Variants in FBXL7 observed in about 807,000 individuals in gnomAD.
FBXL7 encodes the protein F-box and leucine rich repeat protein 7.
In FBXL7, 12 loss-of-function variants were observed where a neutral mutation model predicts 38.3. The ratio of observed to expected loss-of-function variants is 0.31; its 90% CI spans 0.20 to 0.51. The LOEUF is 0.51. Ranked by LOEUF, FBXL7 falls within the 20% of genes least tolerant of loss-of-function variation. The pLI, the probability that FBXL7 is intolerant of heterozygous loss-of-function variation, is 0.98. For missense variants in FBXL7, 567 were observed against 676.4 expected, an observed-to-expected ratio of 0.84 and a Z score of 1.79; for synonymous variants, 297 against 300.9, an observed-to-expected ratio of 0.99 and a Z score of 0.13.
At chr5:15,832,577 G>A (rs1183664962) in intron 2 of FBXL7, among the ~76,000 whole-genome samples, 2 of 152,166 alleles carry the variant, frequency 1.3e-5, no homozygotes, top group African/African-American at 4.8e-5. Context: ...GCTAGTTTAA[G>A]GAGGTTTTGC....
chr5:15,842,831 C>T (rs1003344735), intron 2 of FBXL7, among the ~76,000 whole-genome samples: 9 of 152,254 alleles, frequency 5.9e-5, no homozygotes, highest in South Asian at 2.1e-4. Context: ...CTCCCAGCTA[C>T]GTGGAACTGT....
intron 2 of FBXL7, among the ~76,000 whole-genome samples, chr5:15,875,299 C>A (rs184185363): frequency 6.6e-6 from 1 of 152,174 alleles, no homozygotes; most frequent in African/African-American, 2.4e-5. Flanking sequence ...AGATCTAAAA[C>A]CATAAAAACC....
intron 1 of FBXL7, among the ~76,000 whole-genome samples, chr5:15,606,196 T>C (rs1256419439): frequency 2.0e-5 from 3 of 152,162 alleles, no homozygotes; most frequent in African/African-American, 7.2e-5. Flanking sequence ...TTGATCAGTT[T>C]TCTTTCTAGA....
chr5:15,882,372 G>C (rs1411032963), intron 2 of FBXL7, among the ~76,000 whole-genome samples: 1 of 152,148 alleles, frequency 6.6e-6, no homozygotes, highest in East Asian at 1.9e-4. Flanking sequence ...TCAGTGACTA[G>C]CCAGAGATGA....
chr5:15,623,734 A>G (rs1366104198), intron 2 of FBXL7, among the ~76,000 whole-genome samples: 8 of 152,102 alleles, frequency 5.3e-5, no homozygotes, highest in Non-Finnish European at 1.2e-4. Flanking sequence ...GCTTTTCAAA[A>G]CTCTACAACA....
chr5:15,834,083 G>A (rs757534426), intron 2 of FBXL7, among the ~76,000 whole-genome samples: 1 of 152,076 alleles, frequency 6.6e-6, no homozygotes, highest in Non-Finnish European at 1.5e-5. Flanking sequence ...ATTTGTTAGT[G>A]TATTTTCTTT....
rs866155140 is a variant in FBXL7 at position 15,645,507 on chromosome 5, G to A, written c.127+29435G>A. 1.7e-4 allele frequency among the ~76,000 whole-genome samples: 26 copies of A among 152,098 alleles called. 1 individual carries two copies. In the South Asian group the frequency reaches 2.9e-3, roughly 17 times the overall value. On this transcript the variant is annotated intron_variant, in intron 2 of 3. Transcript: ENST00000504595. Reference sequence around the variant, plus strand: ...CCCAACCAACAAATGTACTTCTTACGTTTCTTGATTGATATTTCCTGTCTT... The same window carrying A: ...CCCAACCAACAAATGTACTTCTTACATTTCTTGATTGATATTTCCTGTCTT...
chr5:15,667,725 A>C (rs986355357), intron 2 of FBXL7, among the ~76,000 whole-genome samples: 1 of 152,134 alleles, frequency 6.6e-6, no homozygotes, highest in African/African-American at 2.4e-5. Flanking sequence ...TTGTAGGCTT[A>C]AAATCTTGCT....
intron 2 of FBXL7, among the ~76,000 whole-genome samples, chr5:15,640,551 T>C (rs76124612): frequency 0.16 from 22,240 of 143,172 alleles, 2,026 homozygotes; most frequent in East Asian, 0.47. Context: ...TTTGAGGGAG[T>C]CTTGCTCTGT....
chr5:15,823,428 C>A (rs1217304631), intron 2 of FBXL7, among the ~76,000 whole-genome samples: 1 of 152,180 alleles, frequency 6.6e-6, no homozygotes, highest in Non-Finnish European at 1.5e-5. Flanking sequence ...TAATCTCACA[C>A]ATATTTCCTA....
Position 15,866,346 on chromosome 5 carries a change from C to T in FBXL7, c.128-61544C>T, listed in dbSNP as rs57881767. Reference sequence around the variant, plus strand: ...TTGCTAGAATTAGTTAAGTCACTGACATCAATGTCTAATATATAATGTGCA... The same window carrying T: ...TTGCTAGAATTAGTTAAGTCACTGATATCAATGTCTAATATATAATGTGCA... On this transcript the variant is annotated intron_variant, in intron 2 of 3. Coordinates refer to ENST00000504595, the MANE Select transcript of FBXL7 (RefSeq NM_012304.5). Among the ~76,000 whole-genome samples, 336 of 152,264 alleles carry T rather than the reference C, an allele frequency of 2.2e-3. 1 individual carries two copies. Among genetic ancestry groups the T allele is most frequent in the African/African-American group, 7.7e-3 (319 of 41,562 alleles).
At chr5:15,768,272 C>T (rs1355515109) in intron 2 of FBXL7, among the ~76,000 whole-genome samples, 1 of 152,142 alleles carries the variant, frequency 6.6e-6, no homozygotes, top group Non-Finnish European at 1.5e-5. Flanking sequence ...TGACTCACAC[C>T]TGTAATCCCA....
At chr5:15,733,091 G>GTTTC (rs1044572646) in intron 2 of FBXL7, among the ~76,000 whole-genome samples, 1 of 148,056 alleles carries the variant, frequency 6.8e-6, no homozygotes, top group Non-Finnish European at 1.5e-5. Flanking sequence ...CATGTTTTTT[G>GTTTC]TTTCTTTCTT....
intron 2 of FBXL7, among the ~76,000 whole-genome samples, chr5:15,772,908 T>C (rs1736765619): frequency 6.6e-6 from 1 of 152,156 alleles, no homozygotes; most frequent in Admixed American, 6.5e-5. Flanking sequence ...TTTGTTTTTT[T>C]TTTTGAGACA....
At chr5:15,829,249 T>C (rs1738391416) in intron 2 of FBXL7, among the ~76,000 whole-genome samples, 1 of 152,190 alleles carries the variant, frequency 6.6e-6, no homozygotes, top group Non-Finnish European at 1.5e-5. Context: ...GTAATTGTCT[T>C]TGTGGTGGTG....
intron 2 of FBXL7, among the ~76,000 whole-genome samples, chr5:15,684,184 T>C (rs1418538450): frequency 3.3e-5 from 5 of 152,192 alleles, no homozygotes; most frequent in African/African-American, 1.2e-4. Flanking sequence ...TCATTAGTCA[T>C]TTGTGCAAAT....
intron 2 of FBXL7, among the ~76,000 whole-genome samples, chr5:15,859,289 C>T (rs114931474): frequency 6.6e-6 from 1 of 152,184 alleles, no homozygotes; most frequent in South Asian, 2.1e-4. Context: ...GCATGATTAC[C>T]CCAGTTGAGA....
chr5:15,564,403 T>C (rs1738504209), intron 1 of FBXL7, among the ~76,000 whole-genome samples: 1 of 151,722 alleles, frequency 6.6e-6, no homozygotes, highest in African/African-American at 2.4e-5. Flanking sequence ...TGTGTGTGTG[T>C]GTGTGTGTGT....
chr5:15,531,235 A>G (rs771477891), intron 1 of FBXL7, among the ~76,000 whole-genome samples: 2 of 152,234 alleles, frequency 1.3e-5, no homozygotes, highest in South Asian at 2.1e-4. Flanking sequence ...ATGGAAGACA[A>G]TAGATTAAAA....
Sources: gnomAD v4.1 joint callset for allele counts (sites outside exome capture counted in the v4.1 genomes callset) on GRCh38, gnomAD v4.1.1 for gene constraint, MANE v1.5 for transcripts, NCBI Gene and HGNC (gene_info 2026-07-23, HGNC 2026-07-21) for gene names.